Variants in DDX50 observed in about 807,000 individuals in gnomAD.
DDX50 encodes DExD-box helicase 50, also known as ATP-dependent RNA helicase DDX50.
Under a neutral mutation model 94.8 loss-of-function variants are expected in DDX50, and 56 were observed. The observed-to-expected ratio is 0.59, with a 90% confidence interval of 0.48 to 0.74. The LOEUF (loss-of-function observed/expected upper bound fraction) is 0.74, where lower values mean the gene tolerates loss of function less well. DDX50 is among the 30% of genes least tolerant of loss of function. The pLI, the probability that DDX50 is intolerant of heterozygous loss-of-function variation, is 0.00. For synonymous variants in DDX50, 264 were observed against 295.4 expected (o/e 0.89, Z 1.09); for missense variants, 713 against 881.2 (o/e 0.81, Z 2.42).
chr10:68,919,895 T>C lies in DDX50; in HGVS notation c.1153T>C (p.Tyr385His). 1 of 1,614,098 alleles carries C rather than the reference T, an allele frequency of 6.2e-7. No individual in the cohort carries two copies. The highest frequency in any genetic ancestry group is 2.2e-5 in the East Asian group (1 of 44,888). The change falls in exon 8 of 15, where the codon TAC becomes CAC. Residue 385 changes from tyrosine (Y) to histidine (H), a missense_variant. Tyr to His is a moderately conservative substitution (Grantham distance 83). This residue lies in a region of DDX50 where 428 missense variants were observed against 602.3 expected (regional missense o/e 0.71). Coordinates refer to ENST00000373585, the MANE Select transcript of DDX50 (RefSeq NM_024045.2). The part of the protein sequence containing the change: ...PAVIGDVLQV[Y>H]SGSEGRAIIF... ...AGTTATTGGAGATGTCCTTCAAGTC[T>C]ACAGTGGGTCTGAAGGGAGGGCTAT...
Position 68,934,317 on chromosome 10 carries a change from A to G in DDX50, c.1358A>G (p.Asp453Gly). The change falls in exon 9 of 15, where the codon GAC becomes GGC. Residue 453 changes from aspartate to glycine, a missense_variant. Physicochemically the swap from Asp to Gly is moderately conservative, Grantham distance 94 (BLOSUM62 -1). This residue lies in a region of DDX50 where 428 missense variants were observed against 602.3 expected (regional missense o/e 0.71). Transcript: ENST00000373585. This position sits in a 1 kb window ranked among gnomAD's most constrained non-coding sequence, Gnocchi z 4.0. ...VATNVAARGL[D>G]IPEVDLVIQS... The stretch of plus-strand genomic sequence containing the variant: ...ACCAATGTGGCTGCCCGTGGTTTGG[A>G]CATTCCTGAAGTTGACCTGGTGATT... 6.2e-7 allele frequency: 1 copy of G among 1,613,862 alleles called. No homozygotes were observed. Among genetic ancestry groups the G allele is most frequent in the Non-Finnish European group, 8.5e-7 (1 of 1,179,870 alleles).
chr10:68,926,376 C>A (rs1331820272), intron 8 of DDX50, among the ~76,000 whole-genome samples: 1 of 150,614 alleles, frequency 6.6e-6, no homozygotes, highest in Non-Finnish European at 1.5e-5. Flanking sequence ...GGAGAATTCC[C>A]CTTTCAGTGG....
chr10:68,935,242 T>C (rs1842376313), intron 10 of DDX50, among the ~76,000 whole-genome samples: 1 of 152,206 alleles, frequency 6.6e-6, no homozygotes, highest in Admixed American at 6.6e-5. Context: ...TAAGATTCTT[T>C]TAAGTATGGT....
intron 7 of DDX50, among the ~76,000 whole-genome samples, chr10:68,916,871 A>G (rs1841808949): frequency 6.6e-6 from 1 of 152,080 alleles, no homozygotes; most frequent in South Asian, 2.1e-4. Flanking sequence ...TTTTTAGTAG[A>G]GACTGGGTTT....
chr10:68,927,251 TTATAG>T (rs914334106), intron 8 of DDX50, among the ~76,000 whole-genome samples: 5 of 152,212 alleles, frequency 3.3e-5, no homozygotes, highest in African/African-American at 1.2e-4. Flanking sequence ...TCCAACTTAT[TTATAG>T]TATATTTGTT....
At chr10:68,901,688 C>T (rs549299372) in intron 1 of DDX50, among the ~76,000 whole-genome samples, 27 of 152,194 alleles carry the variant, frequency 1.8e-4, no homozygotes, top group Non-Finnish European at 3.7e-4. Context: ...GCCTCTCCTC[C>T]GCGTGGCCCC....
intron 8 of DDX50, among the ~76,000 whole-genome samples, chr10:68,924,136 T>C (rs1354207619): frequency 1.3e-5 from 2 of 151,364 alleles, no homozygotes; most frequent in Admixed American, 1.3e-4. Context: ...CACGCCCAGC[T>C]AATTTTTGTA....
At chr10:68,905,394 G>A (rs1281317056) in intron 1 of DDX50, among the ~76,000 whole-genome samples, 1 of 150,704 alleles carries the variant, frequency 6.6e-6, no homozygotes, top group Non-Finnish European at 1.5e-5. Context: ...TTCCGTGGAA[G>A]TATAACAATT....
intron 8 of DDX50, among the ~76,000 whole-genome samples, chr10:68,929,376 T>TCTTTCCTTC (rs1476008741): frequency 1.3e-5 from 2 of 151,112 alleles, no homozygotes; most frequent in Non-Finnish European, 3.0e-5. Context: ...TCCTTTCCTT[T>TCTTTCCTTC]CTTTCCTTCC....
At chr10:68,946,022 GTTAGTA>G (rs935181607) in intron 14 of DDX50, among the ~76,000 whole-genome samples, 11 of 148,040 alleles carry the variant, frequency 7.4e-5, no homozygotes, top group African/African-American at 2.6e-4. Flanking sequence ...TATTTAGAAT[GTTAGTA>G]TTAGAATAGA....
intron 10 of DDX50, among the ~76,000 whole-genome samples, chr10:68,935,147 C>G (rs1015312874): frequency 2.6e-5 from 4 of 151,824 alleles, no homozygotes; most frequent in African/African-American, 9.7e-5. Context: ...GAATTTCTCT[C>G]TTCATACTAA....
rs1187107259 is a variant in DDX50, at chr10:68,941,147, A to C, written c.1843A>C (p.Asn615His). Residue 615 changes from asparagine (N) to histidine (H), a missense_variant, in exon 13 of 15, where the codon AAT becomes CAT. Transcript: ENST00000373585. ...AGAACTTAACAGAAAGCTGAGTAGT[A>C]ATGCAGTGTCTCAGATTACCAGAAT... ...WKELNRKLSS[N>H]AVSQITRMCL... is the part of the protein sequence containing the mutation. 5.0e-6 allele frequency: 8 copies of C among 1,613,482 alleles called. No homozygotes were observed. Among genetic ancestry groups the C allele is most frequent in the Non-Finnish European group, 6.8e-6 (8 of 1,179,892 alleles).
At chr10:68,922,146 C>A (rs1034878533) in intron 8 of DDX50, among the ~76,000 whole-genome samples, 1 of 152,050 alleles carries the variant, frequency 6.6e-6, no homozygotes, top group African/African-American at 2.4e-5. Context: ...CTTGTCACAT[C>A]AAATCTTTTT....
chr10:68,925,093 TGG>T (rs1491400741), intron 8 of DDX50, among the ~76,000 whole-genome samples: 11 of 80,942 alleles, frequency 1.4e-4, no homozygotes, highest in East Asian at 4.3e-4. Context: ...TCCCTGCTCA[TGG>T]TTTTTTTTTT....
chr10:68,916,243 A>C (rs576726468), intron 7 of DDX50, among the ~76,000 whole-genome samples: 1 of 151,444 alleles, frequency 6.6e-6, no homozygotes, highest in African/African-American at 2.4e-5. Context: ...AGTCCCAACT[A>C]CTCGGCAGGC....
At chr10:68,929,344 C>CTTCCTTCT (rs1260119340) in intron 8 of DDX50, among the ~76,000 whole-genome samples, 5 of 144,702 alleles carry the variant, frequency 3.5e-5, no homozygotes, top group South Asian at 2.2e-4. Context: ...TCCTTCCTTC[C>CTTCCTTCT]TTCCTTCTTT....
rs530913846 is a variant in DDX50, at chr10:68,931,382, TAA to T, written c.1240-2807_1240-2806del. 1.9e-3 allele frequency among the ~76,000 whole-genome samples: 189 copies of T among 100,274 alleles called. 2 individuals carry two copies. The highest frequency in any genetic ancestry group is 0.015 in the Middle Eastern group (3 of 206). The allele number at this position is 100,274 out of a possible 152,430, so 65.8% of individuals were successfully genotyped here. On this transcript the variant is annotated intron_variant, in intron 8 of 14. Transcript: ENST00000373585. Reference sequence around the variant, plus strand: ...GGCTGGTGGGTGGGTGACGGATCATTAAAAAAAAAAATATATATATATATATA... The same window carrying T: ...GGCTGGTGGGTGGGTGACGGATCATTAAAAAAAAATATATATATATATATA...
At chr10:68,931,940 C>T (rs2132052132) in intron 8 of DDX50, among the ~76,000 whole-genome samples, 1 of 152,238 alleles carries the variant, frequency 6.6e-6, no homozygotes, top group Middle Eastern at 3.4e-3. Flanking sequence ...CAGGAACTCC[C>T]TAGCCTTCTG....
intron 4 of DDX50, among the ~76,000 whole-genome samples, chr10:68,912,236 G>A (rs1233237432): frequency 6.6e-6 from 1 of 151,880 alleles, no homozygotes; most frequent in African/African-American, 2.4e-5. Flanking sequence ...TTTAAAGACA[G>A]GGTCTCTCTC....
Sources: allele counts gnomAD v4.1 joint callset (sites outside exome capture counted in the v4.1 genomes callset), GRCh38; gene constraint gnomAD v4.1.1; regional missense constraint gnomAD v4.1.1; non-coding constraint Gnocchi (gnomAD v3.1); transcripts MANE v1.5; gene names NCBI Gene and HGNC (gene_info 2026-07-23, HGNC 2026-07-21).